Variants in PLXNA4 observed in about 807,000 individuals in gnomAD.
PLXNA4 encodes plexin-A4.
Under a neutral mutation model 191.8 loss-of-function variants are expected in PLXNA4, and 44 were observed. The ratio of observed to expected loss-of-function variants is 0.23; its 90% CI spans 0.18 to 0.29. The LOEUF (loss-of-function observed/expected upper bound fraction) is 0.29, where lower values mean the gene tolerates loss of function less well. Among genes scored for constraint, PLXNA4 ranks in the 10% least tolerant of loss-of-function variants. The probability of loss-of-function intolerance (pLI) is 1.00; values close to 1 mark genes in which losing one functional copy is unlikely to be tolerated. For missense variants in PLXNA4, 1,800 were observed against 2,488.8 expected (o/e 0.72, Z 5.89); for synonymous variants, 1,082 against 1,009.5 (o/e 1.07, Z -1.36).
In PLXNA4 at chr7:132,507,584, C is replaced by A; in HGVS notation, c.1110G>T (p.Arg370=). ...CCTCGCCCCGGTAACAAGACTGCAG[C>A]CGCTCCTTAATGCGGTCATTTATCT... ...LKQINDRIKE[R]LQSCYRGEGT... The change falls in exon 2 of 32, where the codon CGG becomes CGT. Residue 370 remains arginine, a synonymous_variant. Transcript: ENST00000321063. The A allele has an allele frequency of 6.2e-7, 1 of 1,614,142 alleles. No individual in the cohort carries two copies.
intron 2 of PLXNA4, among the ~76,000 whole-genome samples, chr7:132,601,200 C>T (rs906721777): frequency 2.0e-5 from 3 of 151,810 alleles, no homozygotes; most frequent in Non-Finnish European, 4.4e-5. Context: ...GGAATTTTTC[C>T]TGAAGGAATA....
At chr7:132,224,399 T>G (rs1018264525) in intron 8 of PLXNA4, among the ~76,000 whole-genome samples, 2 of 152,018 alleles carry the variant, frequency 1.3e-5, no homozygotes, top group Admixed American at 1.3e-4. Context: ...CCTGGGCCCT[T>G]CTCCCGTGAA....
intron 3 of PLXNA4, among the ~76,000 whole-genome samples, chr7:132,403,619 C>T (rs945457695): frequency 1.3e-5 from 2 of 151,898 alleles, no homozygotes; most frequent in Non-Finnish European, 2.9e-5. Context: ...ACTTTTTTTT[C>T]CCTTCCTGGC....
At chr7:132,464,014 C>T (rs1288394255) in intron 3 of PLXNA4, among the ~76,000 whole-genome samples, 5 of 152,194 alleles carry the variant, frequency 3.3e-5, no homozygotes, top group African/African-American at 1.2e-4. Flanking sequence ...AATAAAATTC[C>T]TATGTTTGCC....
chr7:132,562,474 CCTCCTCCTT>C (rs1801242797), intron 1 of PLXNA4, among the ~76,000 whole-genome samples: 2 of 132,126 alleles, frequency 1.5e-5, no homozygotes, highest in Non-Finnish European at 3.2e-5. Context: ...CCTCCTTTCT[CCTCCTCCTT>C]CTCTTCCTCT....
In PLXNA4 at chr7:132,171,136, A is replaced by G. The variant is rs150160785; in HGVS notation, c.4018-2564T>C. ...ATCACATACATGCCGCTGTCCTTCA[A>G]ATTACTCAGAAGAGCAGTTCTATGA... On this transcript the variant is annotated intron_variant, in intron 21 of 31. Coordinates refer to ENST00000321063, the MANE Select transcript of PLXNA4 (RefSeq NM_020911.2). Among the ~76,000 whole-genome samples the G allele has an allele frequency of 1.3e-3, 194 of 152,334 alleles. 1 individual carries two copies. The highest frequency in any genetic ancestry group is 2.3e-3 in the South Asian group (11 of 4,824).
At chr7:132,250,894 C>T (rs1271819357) in intron 4 of PLXNA4, among the ~76,000 whole-genome samples, 1 of 152,142 alleles carries the variant, frequency 6.6e-6, no homozygotes, top group African/African-American at 2.4e-5. Context: ...CCAAAATGCT[C>T]ATTCTTGACC....
chr7:132,264,010 C>G (rs1015338458), intron 4 of PLXNA4: 2 of 152,178 alleles, frequency 1.3e-5, no homozygotes, highest in Admixed American at 1.3e-4. Flanking sequence ...TCACTGCCTT[C>G]CATTAAGGCA....
intron 2 of PLXNA4, among the ~76,000 whole-genome samples, chr7:132,504,204 C>A (rs1477929819): frequency 6.6e-6 from 1 of 152,272 alleles, no homozygotes; most frequent in Non-Finnish European, 1.5e-5. Context: ...GCAGGTTCTA[C>A]CCCAACGGCC....
chr7:132,613,026 A>G (rs113357512), intron 2 of PLXNA4, among the ~76,000 whole-genome samples: 3,932 of 152,324 alleles, frequency 0.026, 89 homozygotes, highest in Admixed American at 0.071. Flanking sequence ...TTTGTTGAAA[A>G]GATGTTAAGA....
intron 2 of PLXNA4, among the ~76,000 whole-genome samples, chr7:132,598,067 C>A (rs1204120819): frequency 6.6e-6 from 1 of 152,082 alleles, no homozygotes; most frequent in African/African-American, 2.4e-5. Context: ...CTAACTTGTG[C>A]TATGTTGCCC....
chr7:132,372,750 C>T (rs1393104342), intron 3 of PLXNA4, among the ~76,000 whole-genome samples: 1 of 152,188 alleles, frequency 6.6e-6, no homozygotes, highest in Non-Finnish European at 1.5e-5. Context: ...ACTGCATAAA[C>T]ATCAATACAA....
intron 3 of PLXNA4, among the ~76,000 whole-genome samples, chr7:132,488,348 A>C (rs1797644854): frequency 6.6e-6 from 1 of 152,252 alleles, no homozygotes; most frequent in Non-Finnish European, 1.5e-5. Flanking sequence ...GCTAGCAGCC[A>C]GAAATACAGC....
rs540875670 is a variant in PLXNA4, at chr7:132,228,170, C to T, written c.1728+176G>A. On this transcript the variant is annotated intron_variant, in intron 6 of 31. Transcript: ENST00000321063. ...CCAATAGTCCTGTCCCTGTCTCCTT[C>T]TTGCATCCCCCCGTAGACACTTAAT... Among the ~76,000 whole-genome samples, 114 of 152,290 alleles carry T rather than the reference C, an allele frequency of 7.5e-4. 1 individual carries two copies. Among genetic ancestry groups the T allele is most frequent in the Non-Finnish European group, 1.3e-3 (90 of 68,026 alleles).
chr7:132,506,735 G>T (rs1156734567), intron 2 of PLXNA4, among the ~76,000 whole-genome samples: 1 of 152,174 alleles, frequency 6.6e-6, no homozygotes, highest in Non-Finnish European at 1.5e-5. Context: ...CACCAGCCAT[G>T]CGAAGACCCC....
In PLXNA4 at chr7:132,153,244, G is replaced by A. The variant is rs74352902; in HGVS notation, c.4661-4598C>T. Among the ~76,000 whole-genome samples the A allele has an allele frequency of 4.2e-3, 642 of 152,274 alleles. 3 individuals are homozygous for A. Among genetic ancestry groups the A allele is most frequent in the Admixed American group, 6.8e-3 (104 of 15,298 alleles). ...CACTCATGTTGTAGTTCTAGGGATC[G>A]ATGAGTCTGAGCAGGAGAAAGTTGA... On this transcript the variant is annotated intron_variant, in intron 25 of 31. Coordinates refer to ENST00000321063, the MANE Select transcript of PLXNA4 (RefSeq NM_020911.2).
At chr7:132,148,123 T>C (rs1795489447) in intron 26 of PLXNA4, 124 bp from the exon 27 acceptor site, 1 of 1,420,420 alleles carries the variant, frequency 7.0e-7, no homozygotes, top group East Asian at 2.4e-5. Flanking sequence ...CTAGGGGACT[T>C]TGGAGGCTGT....
intron 4 of PLXNA4, among the ~76,000 whole-genome samples, chr7:132,254,879 A>G (rs1012806378): frequency 6.6e-6 from 1 of 152,202 alleles, no homozygotes; most frequent in African/African-American, 2.4e-5. Flanking sequence ...AGAAATGGCT[A>G]TTAGAGCTAT....
At chr7:132,399,963 G>C (rs549104885) in intron 3 of PLXNA4, among the ~76,000 whole-genome samples, 4 of 152,026 alleles carry the variant, frequency 2.6e-5, no homozygotes, top group Non-Finnish European at 4.4e-5. Flanking sequence ...TGAAAGGGGA[G>C]GAATGTGACC....
Sources: allele counts gnomAD v4.1 joint callset (sites outside exome capture counted in the v4.1 genomes callset), GRCh38; gene constraint gnomAD v4.1.1; transcripts MANE v1.5; gene names NCBI Gene and HGNC (gene_info 2026-07-23, HGNC 2026-07-21).